Variants in LGSN observed in about 807,000 individuals in gnomAD.
LGSN encodes the protein lengsin.
A neutral mutation model predicts 19.5 loss-of-function variants in LGSN; 21 were observed. The ratio of observed to expected loss-of-function variants is 1.07; its 90% CI spans 0.76 to 1.55. The LOEUF (loss-of-function observed/expected upper bound fraction) is 1.55. Ranked by LOEUF, LGSN falls within the 40% of genes most tolerant of loss-of-function variation. The pLI, the probability that LGSN is intolerant of heterozygous loss-of-function variation, is 0.00. For missense variants in LGSN, 673 were observed against 608.5 expected (o/e 1.11, Z -1.12); for synonymous variants, 257 against 215.6 (o/e 1.19, Z -1.68).
chr6:63,508,596 C>T, the LGSN span, among the ~76,000 whole-genome samples: 3 of 152,064 alleles, frequency 2.0e-5, no homozygotes, highest in Admixed American at 6.6e-5. Flanking sequence ...TAATTCACTT[C>T]AGTAGGGAGG....
the LGSN span, among the ~76,000 whole-genome samples, chr6:63,406,314 T>G: frequency 7.9e-5 from 12 of 151,824 alleles, no homozygotes; most frequent in African/African-American, 2.7e-4. Context: ...GAACAGAAAT[T>G]ATAACAAACT....
chr6:63,499,665 T>A, the LGSN span, among the ~76,000 whole-genome samples: 1 of 152,072 alleles, frequency 6.6e-6, no homozygotes, highest in Non-Finnish European at 1.5e-5. Context: ...TGGGTTTTTC[T>A]CTGTACATCA....
chr6:63,312,321 T>A (rs1447813537), intron 1 of LGSN, among the ~76,000 whole-genome samples: 1 of 152,232 alleles, frequency 6.6e-6, no homozygotes, highest in African/African-American at 2.4e-5. Context: ...TATCCAGTAG[T>A]GGATTGCTGA....
the LGSN span, chr6:63,441,686 G>A: frequency 2.2e-6 from 1 of 464,832 alleles, no homozygotes; most frequent in South Asian, 1.8e-5. Context: ...TGCCCTCAAA[G>A]CAGCCAAGCG....
At chr6:63,302,419 A>G (rs975952341) in intron 1 of LGSN, among the ~76,000 whole-genome samples, 2 of 152,170 alleles carry the variant, frequency 1.3e-5, no homozygotes, top group African/African-American at 2.4e-5. Flanking sequence ...GGTTCATGGA[A>G]AGGTTTGAAA....
intron 1 of LGSN, among the ~76,000 whole-genome samples, chr6:63,303,144 G>A (rs1410696678): frequency 2.0e-5 from 3 of 151,974 alleles, no homozygotes; most frequent in Admixed American, 2.0e-4. Context: ...TGCCAAAGTG[G>A]TTTATTTTGC....
the LGSN span, among the ~76,000 whole-genome samples, chr6:63,531,205 TC>T: frequency 2.0e-5 from 3 of 151,404 alleles, no homozygotes; most frequent in Admixed American, 6.6e-5. Flanking sequence ...GCTTCCTGGT[TC>T]ACAGCCAATG....
the LGSN span, among the ~76,000 whole-genome samples, chr6:63,330,500 T>A: frequency 1.6e-4 from 25 of 152,314 alleles, no homozygotes; most frequent in Admixed American, 1.6e-3. Flanking sequence ...TCTTTTAGAA[T>A]CAATTGACCC....
chr6:63,528,642 T>C, the LGSN span, among the ~76,000 whole-genome samples: 1 of 151,992 alleles, frequency 6.6e-6, no homozygotes, highest in African/African-American at 2.4e-5. Flanking sequence ...GCGCCTGTCA[T>C]CCCAGCTACT....
chr6:63,463,275 ACTAT>A, the LGSN span, among the ~76,000 whole-genome samples: 1 of 152,178 alleles, frequency 6.6e-6, no homozygotes, highest in African/African-American at 2.4e-5. Context: ...TGTATAAAGA[ACTAT>A]CTAAGTATAT....
chr6:63,331,192 T>A, the LGSN span, among the ~76,000 whole-genome samples: 1 of 152,122 alleles, frequency 6.6e-6, no homozygotes, highest in Admixed American at 6.5e-5. Flanking sequence ...AGGATATGGG[T>A]GTAAGCTGAG....
the LGSN span, among the ~76,000 whole-genome samples, chr6:63,369,080 A>C: frequency 1.3e-5 from 2 of 152,220 alleles, no homozygotes; most frequent in Non-Finnish European, 2.9e-5. Flanking sequence ...ACATCAGTTT[A>C]AATGTGCTGT....
At chr6:63,396,408 G>T in the LGSN span, 2 of 210,072 alleles carry the variant, frequency 9.5e-6, no homozygotes, top group South Asian at 8.0e-5. Context: ...TTATTCTCTA[G>T]ACCTCAAGAT....
At chr6:63,569,483 C>T in the LGSN span, among the ~76,000 whole-genome samples, 1 of 152,184 alleles carries the variant, frequency 6.6e-6, no homozygotes, top group Non-Finnish European at 1.5e-5. Context: ...TCTTGAACTC[C>T]TAACTCCTAA....
At chr6:63,319,819 C>A (rs1769018929) in intron 1 of LGSN, 95 bp downstream of exon 1, 5 of 838,264 alleles carry the variant, frequency 6.0e-6, no homozygotes, top group South Asian at 4.2e-5. Context: ...AATTATGCTG[C>A]CCTTATTCTT....
rs780988403 is a variant in LGSN, at chr6:63,319,976, A to G, written c.-33T>C. 1.9e-6 allele frequency: 3 copies of G among 1,554,382 alleles called. No individual in the cohort carries two copies. The highest frequency in any genetic ancestry group is 8.9e-7 in the Non-Finnish European group (1 of 1,126,040). On this transcript the variant is annotated 5_prime_UTR_variant, in exon 1 of 4. Transcript: ENST00000370657. ...CTTTTTAAGTTCAGCGTTAGAAACC[A>G]CAATATCCTCAACAAATGCATTCAA...
chr6:63,446,984 G>A, the LGSN span, among the ~76,000 whole-genome samples: 1 of 152,216 alleles, frequency 6.6e-6, no homozygotes, highest in Non-Finnish European at 1.5e-5. Context: ...AGGAGGCGGA[G>A]GTTGCAGTGA....
At position 63,316,561 on chromosome 6, in the gene LGSN, T is replaced by C. The variant is rs373943577; in HGVS notation, c.30+3353A>G. On this transcript the variant is annotated intron_variant, in intron 1 of 3. Coordinates refer to ENST00000370657, the MANE Select transcript of LGSN (RefSeq NM_016571.3). ...CTAAAATAATAAAGGAAGCAAAAAG[T>C]TTTGTTTTATTTAGTATGTTCATAA... Among the ~76,000 whole-genome samples, 6 of 152,248 alleles carry C rather than the reference T, an allele frequency of 3.9e-5. No homozygotes were observed. In the East Asian group the frequency reaches 7.7e-4, roughly 20 times the overall value.
chr6:63,407,103 A>C, the LGSN span, among the ~76,000 whole-genome samples: 1 of 152,038 alleles, frequency 6.6e-6, no homozygotes, highest in Non-Finnish European at 1.5e-5. Context: ...CAGAGGTACA[A>C]GGAGGAACTG....
Sources: gnomAD v4.1 joint callset for allele counts (sites outside exome capture counted in the v4.1 genomes callset) on GRCh38, gnomAD v4.1.1 for gene constraint, MANE v1.5 for transcripts, NCBI Gene and HGNC (gene_info 2026-07-23, HGNC 2026-07-21) for gene names.